Variants in ARHGAP10 observed in about 807,000 individuals in gnomAD.
ARHGAP10 encodes the protein Rho GTPase activating protein 10.
A neutral mutation model predicts 108.6 loss-of-function variants in ARHGAP10; 87 were observed. The ratio of observed to expected loss-of-function variants is 0.80; its 90% CI spans 0.67 to 0.96. ARHGAP10 has a LOEUF of 0.96. ARHGAP10 is among the 40% of genes least tolerant of loss of function. The pLI is 0.00. For synonymous variants in ARHGAP10, 347 were observed against 341.1 expected, an observed-to-expected ratio of 1.02 and a Z score of -0.19; for missense variants, 939 against 954.5, an observed-to-expected ratio of 0.98 and a Z score of 0.21.
At chr4:147,859,737 A>G (rs1048635108) in intron 5 of ARHGAP10, among the ~76,000 whole-genome samples, 12 of 152,230 alleles carry the variant, frequency 7.9e-5, no homozygotes, top group Non-Finnish European at 1.5e-4. Context: ...CTTAATGTAT[A>G]TTTATTGAAT....
At chr4:148,063,114 C>T in intron 20 of ARHGAP10, 34 bp from the exon 21 acceptor site, 1 of 1,611,716 alleles carries the variant, frequency 6.2e-7, no homozygotes, top group Non-Finnish European at 8.5e-7. Context: ...GGCCTTTCTG[C>T]TATTAATCCT....
intron 22 of ARHGAP10, among the ~76,000 whole-genome samples, chr4:148,067,165 A>G (rs917586354): frequency 6.6e-6 from 1 of 152,200 alleles, no homozygotes; most frequent in African/African-American, 2.4e-5. Flanking sequence ...TGCCGCCCTG[A>G]TTCTTTTGCA....
intron 10 of ARHGAP10, among the ~76,000 whole-genome samples, chr4:147,899,728 A>AG (rs397797044): frequency 2.6e-5 from 4 of 151,386 alleles, no homozygotes; most frequent in Non-Finnish European, 4.4e-5. Flanking sequence ...TCTGGAAAAA[A>AG]TGCATGATTC....
intron 3 of ARHGAP10, among the ~76,000 whole-genome samples, chr4:147,846,942 C>G (rs745601212): frequency 6.6e-6 from 1 of 152,084 alleles, no homozygotes; most frequent in African/African-American, 2.4e-5. Flanking sequence ...GGCAATCTGC[C>G]CACCTCCTCT....
At chr4:147,921,451 C>T (rs1007870048) in intron 13 of ARHGAP10, among the ~76,000 whole-genome samples, 12 of 152,166 alleles carry the variant, frequency 7.9e-5, no homozygotes, top group Non-Finnish European at 1.3e-4. Context: ...GAAGAATTTT[C>T]TGATCTTCTG....
intron 19 of ARHGAP10, among the ~76,000 whole-genome samples, chr4:148,032,092 C>T (rs1419553152): frequency 2.6e-5 from 4 of 152,044 alleles, no homozygotes; most frequent in African/African-American, 9.7e-5. Context: ...TTTCTCCTCC[C>T]ACTCCTCTCC....
chr4:147,739,439 A>G (rs1175090396), intron 1 of ARHGAP10, among the ~76,000 whole-genome samples: 5 of 152,214 alleles, frequency 3.3e-5, no homozygotes, highest in Non-Finnish European at 7.3e-5. Context: ...TGACATGACA[A>G]TATAAGTGAC....
intron 1 of ARHGAP10, among the ~76,000 whole-genome samples, chr4:147,767,365 ATC>A (rs1729876976): frequency 1.6e-5 from 1 of 63,820 alleles, no homozygotes; most frequent in Non-Finnish European, 5.9e-5. Context: ...TGCAGAATTT[ATC>A]TTTTTTTTTT....
At chr4:147,973,420 T>C (rs1246149333) in intron 18 of ARHGAP10, among the ~76,000 whole-genome samples, 1 of 152,166 alleles carries the variant, frequency 6.6e-6, no homozygotes, top group Non-Finnish European at 1.5e-5. Flanking sequence ...ATAGTTGGTG[T>C]ATGTATTTAT....
intron 5 of ARHGAP10, chr4:147,863,858 C>G (rs761832529): frequency 6.6e-6 from 1 of 152,220 alleles, no homozygotes; most frequent in Non-Finnish European, 1.5e-5. Context: ...TGCATTCCCA[C>G]TAATGATGCA....
At chr4:147,875,265 T>G in intron 8 of ARHGAP10, 115 bp downstream of exon 8, 1 of 1,166,376 alleles carries the variant, frequency 8.6e-7, no homozygotes, top group East Asian at 2.9e-5. Context: ...CCTCTTTCTC[T>G]CCCTGCTCCT....
intron 3 of ARHGAP10, among the ~76,000 whole-genome samples, chr4:147,827,572 C>G (rs1732765430): frequency 6.6e-6 from 1 of 151,960 alleles, no homozygotes; most frequent in African/African-American, 2.4e-5. Context: ...GCCCATACCC[C>G]CGACACCGGG....
At chr4:147,800,347 C>T (rs1731528732) in intron 1 of ARHGAP10, among the ~76,000 whole-genome samples, 1 of 152,138 alleles carries the variant, frequency 6.6e-6, no homozygotes, top group African/African-American at 2.4e-5. Context: ...AATGGAAGGG[C>T]GTCTTAGGCC....
At chr4:147,810,040 T>C (rs1192876695) in intron 1 of ARHGAP10, among the ~76,000 whole-genome samples, 1 of 152,254 alleles carries the variant, frequency 6.6e-6, no homozygotes, top group Non-Finnish European at 1.5e-5. Flanking sequence ...ATGTCACATA[T>C]AGTATCTCTT....
At chr4:148,027,144 C>T (rs866947139) in intron 19 of ARHGAP10, among the ~76,000 whole-genome samples, 2 of 152,334 alleles carry the variant, frequency 1.3e-5, no homozygotes, top group Middle Eastern at 3.4e-3. Context: ...GGATTACCAT[C>T]TGAATCTCTT....
At chr4:147,782,354 C>T (rs1044647766) in intron 1 of ARHGAP10, among the ~76,000 whole-genome samples, 1 of 152,082 alleles carries the variant, frequency 6.6e-6, no homozygotes. Context: ...TGGCATTTTC[C>T]ACATGGCATA....
At chr4:147,987,174 T>G (rs1252423450) in intron 18 of ARHGAP10, among the ~76,000 whole-genome samples, 1 of 152,248 alleles carries the variant, frequency 6.6e-6, no homozygotes, top group Non-Finnish European at 1.5e-5. Flanking sequence ...TTTTCTAAAC[T>G]GTAAACAAAT....
intron 19 of ARHGAP10, among the ~76,000 whole-genome samples, chr4:148,045,015 C>T (rs1021588444): frequency 6.6e-6 from 1 of 152,116 alleles, no homozygotes; most frequent in Admixed American, 6.5e-5. Context: ...AGAAGAACTG[C>T]CCTGTGGAGA....
intron 13 of ARHGAP10, among the ~76,000 whole-genome samples, chr4:147,919,243 T>C (rs933197821): frequency 6.6e-6 from 1 of 152,202 alleles, no homozygotes; most frequent in Non-Finnish European, 1.5e-5. Flanking sequence ...ATATGACCTA[T>C]GGATATTAAT....
Sources: allele counts gnomAD v4.1 joint callset (sites outside exome capture counted in the v4.1 genomes callset), GRCh38; gene constraint gnomAD v4.1.1; transcripts MANE v1.5; gene names NCBI Gene and HGNC (gene_info 2026-07-23, HGNC 2026-07-21).